ZNF385C: variants seen among roughly 807,000 people sequenced by gnomAD.
The protein encoded by ZNF385C is zinc finger protein 385C.
In ZNF385C, 28 loss-of-function variants were observed where a neutral mutation model predicts 35.4. That is an observed-to-expected ratio of 0.79 (90% CI 0.59 to 1.08). The LOEUF (loss-of-function observed/expected upper bound fraction) is 1.08, where lower values mean the gene tolerates loss of function less well. Among genes scored for constraint, ZNF385C ranks in the 50% least tolerant of loss-of-function variants. The pLI, the probability that ZNF385C is intolerant of heterozygous loss-of-function variation, is 0.00. For missense variants in ZNF385C, 605 were observed against 595.6 expected (o/e 1.02, Z -0.16); for synonymous variants, 248 against 248.2 (o/e 1.00, Z 0.01).
At chr17:42,081,328 A>T (rs1397948826) in intron 1 of ZNF385C, among the ~76,000 whole-genome samples, 1 of 152,086 alleles carries the variant, frequency 6.6e-6, no homozygotes, top group Non-Finnish European at 1.5e-5. Flanking sequence ...TTTTGGCCAC[A>T]ACCACTCACG....
At chr17:42,038,873 CTG>C (rs1353567401) in intron 2 of ZNF385C, 1 of 152,282 alleles carries the variant, frequency 6.6e-6, no homozygotes, top group Non-Finnish European at 1.5e-5. Flanking sequence ...AGAGAGGACA[CTG>C]TGCTGTGTGT....
At chr17:42,074,484 C>T (rs556609449) in intron 1 of ZNF385C, among the ~76,000 whole-genome samples, 45 of 152,172 alleles carry the variant, frequency 3.0e-4, no homozygotes, top group African/African-American at 9.9e-4. Flanking sequence ...CTCCATCTCC[C>T]AGGTTCAAGT....
intron 2 of ZNF385C, chr17:42,039,719 AC>A: frequency 8.1e-7 from 1 of 1,232,252 alleles, no homozygotes; most frequent in Non-Finnish European, 1.0e-6. Flanking sequence ...GTGAGCTGCG[AC>A]CCCAGGAAGC....
chr17:42,032,560 C>T (rs1395669165), intron 4 of ZNF385C, among the ~76,000 whole-genome samples: 2 of 152,184 alleles, frequency 1.3e-5, no homozygotes, highest in African/African-American at 4.8e-5. Flanking sequence ...GCAGAGCAAT[C>T]CCCACACTTT....
intron 1 of ZNF385C, among the ~76,000 whole-genome samples, chr17:42,072,798 GGGAGACTC>G (rs2053644014): frequency 1.3e-5 from 2 of 152,252 alleles, no homozygotes; most frequent in East Asian, 3.9e-4. Flanking sequence ...AGGAAGAGAG[GGGAGACTC>G]GGAGGCTCTC....
intron 1 of ZNF385C, among the ~76,000 whole-genome samples, chr17:42,086,329 T>C (rs1437618281): frequency 2.0e-5 from 3 of 152,018 alleles, no homozygotes; most frequent in Admixed American, 6.6e-5. Flanking sequence ...CAGGCAGAGG[T>C]TGCAGTGAGC....
chr17:42,098,019 C>G (rs1555661103), intron 1 of ZNF385C, among the ~76,000 whole-genome samples: 1 of 152,168 alleles, frequency 6.6e-6, no homozygotes, highest in Non-Finnish European at 1.5e-5. Context: ...CAAGCCATCA[C>G]CCCCTAGGGT....
chr17:42,043,227 C>T lies in ZNF385C; in HGVS notation c.251-5342G>A, dbSNP rs1214717878. 3.2e-6 allele frequency: 4 copies of T among 1,232,160 alleles called. No homozygotes were observed. The African/African-American group carries it at 6.2e-5, about 19-fold the overall frequency. The allele number at this position is 1,232,160 out of a possible 1,614,324, so 76.3% of individuals were successfully genotyped here. A position where few individuals can be genotyped will look rare whatever the true frequency, so the allele number is the denominator to read the frequency against. ...TGCCATGCTTGTTCCGTACCAGGGC[C>T]TGGCGGCACTCGAGGCAGAACATCA... On this transcript the variant is annotated intron_variant, in intron 2 of 8. Coordinates refer to ENST00000692273, the MANE Select transcript of ZNF385C (RefSeq NM_001392013.1).
In ZNF385C at chr17:42,043,106, C is replaced by T. The variant is rs1598186552; in HGVS notation, c.251-5221G>A. ...TCAAAAGGGGGCTGGCCCTGGTTGA[C>T]AGCCAGAGCCTGGCGGTGGGCTCCT... On this transcript the variant is annotated intron_variant, in intron 2 of 8. Transcript: ENST00000692273. 4.9e-6 allele frequency: 6 copies of T among 1,232,256 alleles called. No homozygotes were observed. The East Asian group carries it at 1.9e-4, about 39-fold the overall frequency. The allele number at this position is 1,232,256 out of a possible 1,614,324, so 76.3% of individuals were successfully genotyped here.
intron 1 of ZNF385C, among the ~76,000 whole-genome samples, chr17:42,063,960 C>A (rs886238): frequency 0.44 from 66,159 of 151,824 alleles, 15,094 homozygotes; most frequent in South Asian, 0.54. Flanking sequence ...TCTTGGCAAC[C>A]GAGGCCGAGG....
chr17:42,054,582 CT>C (rs56706078), intron 2 of ZNF385C, among the ~76,000 whole-genome samples: 11,194 of 135,512 alleles, frequency 0.083, 588 homozygotes, highest in Middle Eastern at 0.13. Flanking sequence ...ACTAGAACTT[CT>C]TTTTTTTTTT....
At chr17:42,064,073 T>TACACACACACACACACACACAC (rs55771386) in intron 1 of ZNF385C, among the ~76,000 whole-genome samples, 5 of 129,834 alleles carry the variant, frequency 3.9e-5, no homozygotes, top group South Asian at 2.8e-4. Flanking sequence ...CACACGCACA[T>TACACACACACACACACACACAC]ACACACACAC....
At position 42,034,231 on chromosome 17, in the gene ZNF385C, G is replaced by C; in HGVS notation, c.504C>G (p.Asn168Lys). The C allele has an allele frequency of 6.4e-7, 1 of 1,550,410 alleles. No homozygotes were observed. Among genetic ancestry groups the C allele is most frequent in the South Asian group, 1.2e-5 (1 of 84,054 alleles). The change falls in exon 4 of 9, where the codon AAC becomes AAG. Residue 168 changes from asparagine to lysine, a missense_variant. Transcript: ENST00000692273. ...ISCNICHLRF[N>K]SANQAEAHYK... is the part of the protein sequence containing the mutation. ...TTTCACTACTTTGTCTCACCGCTGA[G>C]TTGAACCTCAGGTGACAGATGTTAC...
chr17:42,082,908 T>C (rs1344546771), intron 1 of ZNF385C, among the ~76,000 whole-genome samples: 2 of 152,102 alleles, frequency 1.3e-5, no homozygotes, highest in Non-Finnish European at 2.9e-5. Flanking sequence ...TGAAGACCCG[T>C]CTCTACTAAA....
rs1219992452 is a variant in ZNF385C, at chr17:42,097,227, T to A, written c.-3+1183A>T. On this transcript the variant is annotated intron_variant, in intron 1 of 8. Coordinates refer to ENST00000692273, the MANE Select transcript of ZNF385C (RefSeq NM_001392013.1). ...GAACTCAAAGAGGTTAAGAAACTTGTTCAAGGTCACGCAGTAGGTAGAGGT... is the reference window on the plus strand; with the variant it reads ...GAACTCAAAGAGGTTAAGAAACTTGATCAAGGTCACGCAGTAGGTAGAGGT... Among the ~76,000 whole-genome samples, 5 of 152,112 alleles carry A rather than the reference T, an allele frequency of 3.3e-5. No individual in the cohort carries two copies. The East Asian group carries it at 9.6e-4, about 29-fold the overall frequency.
At chr17:42,084,196 A>G (rs1487501847) in intron 1 of ZNF385C, among the ~76,000 whole-genome samples, 1 of 151,608 alleles carries the variant, frequency 6.6e-6, no homozygotes, top group Non-Finnish European at 1.5e-5. Context: ...AAAAAAAAAT[A>G]GCTAGGCATG....
intron 5 of ZNF385C, among the ~76,000 whole-genome samples, chr17:42,029,826 G>A (rs1374707297): frequency 6.6e-6 from 1 of 152,008 alleles, no homozygotes; most frequent in Non-Finnish European, 1.5e-5. Context: ...TTGAGTCCAG[G>A]ACTTCGAGAC....
intron 1 of ZNF385C, among the ~76,000 whole-genome samples, chr17:42,094,634 G>A (rs1013825275): frequency 1.1e-4 from 16 of 152,146 alleles, no homozygotes; most frequent in African/African-American, 3.6e-4. Context: ...CACAGGAGGC[G>A]CAGGGCCAGA....
intron 1 of ZNF385C, among the ~76,000 whole-genome samples, chr17:42,084,724 C>T (rs1348095475): frequency 6.6e-6 from 1 of 152,074 alleles, no homozygotes; most frequent in Admixed American, 6.6e-5. Flanking sequence ...AATCCTCCTG[C>T]CTCAACCTCC....
Sources: allele counts gnomAD v4.1 joint callset (sites outside exome capture counted in the v4.1 genomes callset), GRCh38; gene constraint gnomAD v4.1.1; transcripts MANE v1.5; gene names NCBI Gene and HGNC (gene_info 2026-07-23, HGNC 2026-07-21).